The following HDAC9 variants were observed in gnomAD, a reference collection of about 807,000 sequenced individuals.
HDAC9 encodes the protein histone deacetylase 9.
In HDAC9, 41 loss-of-function variants were observed where a neutral mutation model predicts 139.4. The ratio of observed to expected loss-of-function variants is 0.29; its 90% CI spans 0.23 to 0.38. The LOEUF is 0.38. HDAC9 is among the 10% of genes least tolerant of loss of function. HDAC9 has a pLI of 1.00. For synonymous variants in HDAC9, 517 were observed against 476.2 expected (o/e 1.09, Z -1.12); for missense variants, 1,147 against 1,297.0 (o/e 0.88, Z 1.78).
At chr7:18,404,389 C>G (rs550898583) in intron 1 of HDAC9, among the ~76,000 whole-genome samples, 49 of 151,792 alleles carry the variant, frequency 3.2e-4, no homozygotes, top group Non-Finnish European at 6.2e-4. Flanking sequence ...AATGAAAGAG[C>G]AATGTCACAT....
At chr7:18,324,350 A>T (rs1028543448) in intron 1 of HDAC9, among the ~76,000 whole-genome samples, 1 of 152,164 alleles carries the variant, frequency 6.6e-6, no homozygotes, top group African/African-American at 2.4e-5. Flanking sequence ...ATTTCTTGGC[A>T]AATTACTTCA....
intron 1 of HDAC9, among the ~76,000 whole-genome samples, chr7:18,354,960 G>GAGCC (rs756571028): frequency 1.4e-3 from 214 of 152,256 alleles, no homozygotes; most frequent in Non-Finnish European, 2.6e-3. Flanking sequence ...TGGTCTTGAA[G>GAGCC]AGCCATAGAG....
intron 2 of HDAC9, among the ~76,000 whole-genome samples, chr7:18,242,851 G>A (rs1157236429): frequency 2.0e-5 from 3 of 152,142 alleles, no homozygotes; most frequent in Admixed American, 1.3e-4. Context: ...TAGAATGGAA[G>A]GGTCTTACTA....
intron 16 of HDAC9, among the ~76,000 whole-genome samples, chr7:18,782,253 C>T (rs1048773736): frequency 6.6e-6 from 1 of 152,100 alleles, no homozygotes; most frequent in Admixed American, 6.6e-5. Context: ...ATTAAACATG[C>T]ACAGTGCATA....
intron 2 of HDAC9, among the ~76,000 whole-genome samples, chr7:18,566,262 A>G (rs1017168658): frequency 3.3e-5 from 5 of 152,242 alleles, no homozygotes; most frequent in South Asian, 2.1e-4. Context: ...TGAATTTTAT[A>G]TATCAGGCAA....
chr7:18,386,726 T>C lies in HDAC9; in HGVS notation c.-42+96211T>C, dbSNP rs369392893. On this transcript the variant is annotated intron_variant, in intron 1 of 3. Coordinates refer to the HDAC9 transcript ENST00000413509. ...ATAGCTGGAAAAGAGACTGTTCTAT[T>C]GCTATAGTTTCAAGCAATCTATTCC... Among the ~76,000 whole-genome samples, 56 of 152,316 alleles carry C rather than the reference T, an allele frequency of 3.7e-4. No homozygotes were observed. The South Asian group carries it at 0.011, about 30-fold the overall frequency.
At chr7:18,223,565 G>A (rs562686710) in intron 2 of HDAC9, among the ~76,000 whole-genome samples, 43 of 152,140 alleles carry the variant, frequency 2.8e-4, no homozygotes, top group South Asian at 1.0e-3. Flanking sequence ...CAGGCAGTCA[G>A]ATATCTCCCT....
rs754478978 is a variant in HDAC9 at position 19,000,125 on chromosome 7, A to G, written c.*4063A>G. On this transcript the variant is annotated 3_prime_UTR_variant, in exon 26 of 26. Transcript: ENST00000686413. ...AAATGAAAACCAGATGGTCTATGCT[A>G]AGAAGTGAAGGCATTTTGTTGTCTT... The G allele has an allele frequency of 1.3e-5, 2 of 152,214 alleles. No homozygotes were observed. The highest frequency in any genetic ancestry group is 2.4e-5 in the African/African-American group (1 of 41,460). 9.4% of individuals were successfully genotyped at this position (152,214 alleles called of 1,614,324 possible).
At chr7:18,919,112 A>G (rs1177563345) in intron 22 of HDAC9, among the ~76,000 whole-genome samples, 1 of 152,108 alleles carries the variant, frequency 6.6e-6, no homozygotes, top group East Asian at 1.9e-4. Context: ...TATAAAGAAT[A>G]GCCAATGCAC....
chr7:18,981,891 A>T (rs1020558831), intron 25 of HDAC9, among the ~76,000 whole-genome samples: 8 of 152,140 alleles, frequency 5.3e-5, no homozygotes, highest in African/African-American at 1.9e-4. Flanking sequence ...AACATGAACA[A>T]TCAACTATAA....
intron 14 of HDAC9, among the ~76,000 whole-genome samples, chr7:18,761,236 A>G (rs1038605126): frequency 3.3e-5 from 5 of 152,214 alleles, no homozygotes; most frequent in Non-Finnish European, 7.3e-5. Context: ...GCCAGAAAGA[A>G]CACTTTGCAT....
rs1391289307 is a variant in HDAC9, at chr7:18,997,243, A to C, written c.*1181A>C. Reference sequence around the variant, plus strand: ...GTGTTTGAAATGTGTTAATGAAGGCACTGCTTATTTGTAGTCACCTTGAAC... The same window carrying C: ...GTGTTTGAAATGTGTTAATGAAGGCCCTGCTTATTTGTAGTCACCTTGAAC... On this transcript the variant is annotated 3_prime_UTR_variant, in exon 26 of 26. Coordinates refer to ENST00000686413, the MANE Select transcript of HDAC9 (RefSeq NM_178425.4). 2 of 151,822 alleles carry C rather than the reference A, an allele frequency of 1.3e-5. No individual in the cohort carries two copies. Among genetic ancestry groups the C allele is most frequent in the African/African-American group, 2.4e-5 (1 of 41,338 alleles). The allele number at this position is 151,822 out of a possible 1,614,324, so 9.4% of individuals were successfully genotyped here.
chr7:18,134,516 G>A (rs983777924), intron 1 of HDAC9, among the ~76,000 whole-genome samples: 1 of 152,126 alleles, frequency 6.6e-6, no homozygotes, highest in East Asian at 1.9e-4. Context: ...GTTTGAAGCA[G>A]TAGTAACTTC....
rs150500155 is a variant in HDAC9, at chr7:18,776,268, C to T, written c.2214+9113C>T. Among the ~76,000 whole-genome samples, 832 of 152,030 alleles carry T rather than the reference C, an allele frequency of 5.5e-3. 12 individuals carry two copies. The highest frequency in any genetic ancestry group is 0.019 in the African/African-American group (790 of 41,480). ...AATTCTCATTCCAAGAGCTAGGAAG[C>T]GCAGTATCCAGCATCAATCCACAAC... On this transcript the variant is annotated intron_variant, in intron 16 of 25. Coordinates refer to ENST00000686413, the MANE Select transcript of HDAC9 (RefSeq NM_178425.4).
intron 2 of HDAC9, among the ~76,000 whole-genome samples, chr7:18,260,850 A>T (rs1281570479): frequency 3.9e-5 from 6 of 152,208 alleles, no homozygotes; most frequent in Non-Finnish European, 8.8e-5. Flanking sequence ...TTCTTCCTGG[A>T]AACTGACTTT....
intron 1 of HDAC9, among the ~76,000 whole-genome samples, chr7:18,371,745 T>G (rs10236151): frequency 0.021 from 3,169 of 152,142 alleles, 55 homozygotes; most frequent in East Asian, 0.065. Flanking sequence ...TTTTCCTTCA[T>G]AGTTGTCTAA....
chr7:18,344,599 T>C (rs1782259373), intron 1 of HDAC9, among the ~76,000 whole-genome samples: 2 of 151,972 alleles, frequency 1.3e-5, no homozygotes, highest in Admixed American at 6.6e-5. Context: ...TTTCTTTGCA[T>C]CCCAAATTAC....
At chr7:18,544,608 ACACTC>A (rs1422160470) in intron 2 of HDAC9, among the ~76,000 whole-genome samples, 4 of 152,180 alleles carry the variant, frequency 2.6e-5, no homozygotes. Flanking sequence ...GAACTCTGGG[ACACTC>A]CACCATTTAG....
chr7:18,776,527 C>T (rs1790780285), intron 16 of HDAC9, among the ~76,000 whole-genome samples: 2 of 152,020 alleles, frequency 1.3e-5, no homozygotes, highest in Admixed American at 6.6e-5. Context: ...TTTTATCCTA[C>T]TGGAACTTAT....
Sources: allele counts gnomAD v4.1 joint callset (sites outside exome capture counted in the v4.1 genomes callset), GRCh38; gene constraint gnomAD v4.1.1; transcripts MANE v1.5; gene names NCBI Gene and HGNC (gene_info 2026-07-23, HGNC 2026-07-21).